RPRD2: variants seen among roughly 807,000 people sequenced by gnomAD.
RPRD2 encodes regulation of nuclear pre-mRNA domain-containing protein 2.
Under a neutral mutation model 104.4 loss-of-function variants are expected in RPRD2, and 12 were observed. The observed-to-expected ratio is 0.11, with a 90% CI of 0.07 to 0.19. The LOEUF (loss-of-function observed/expected upper bound fraction) is 0.19, where lower values mean the gene tolerates loss of function less well. Among genes scored for constraint, RPRD2 ranks in the 10% least tolerant of loss-of-function variants. The probability of loss-of-function intolerance (pLI) is 1.00; values close to 1 mark genes in which losing one functional copy is unlikely to be tolerated. For synonymous variants in RPRD2, 714 were observed against 684.9 expected, an observed-to-expected ratio of 1.04 and a Z score of -0.66; for missense variants, 1,543 against 1,790.1, an observed-to-expected ratio of 0.86 and a Z score of 2.49.
chr1:150,369,372 T>C (rs181964661), intron 1 of RPRD2, among the ~76,000 whole-genome samples: 1 of 148,356 alleles, frequency 6.7e-6, no homozygotes, highest in Non-Finnish European at 1.5e-5. Context: ...AACCTCCGCC[T>C]CCTGGGCTCA....
At position 150,443,206 on chromosome 1, in the gene RPRD2, A is replaced by G. The variant is rs782153110; in HGVS notation, c.515-25A>G. On this transcript the variant is annotated intron_variant, in intron 4 of 10. Transcript: ENST00000369068. ...TCAACTTTTTGTGTCTGTATTCTTAATGACCTTTTGTTTAATTCCAACAGC... is the reference window on the plus strand; with the variant it reads ...TCAACTTTTTGTGTCTGTATTCTTAGTGACCTTTTGTTTAATTCCAACAGC... 2.6e-5 allele frequency: 41 copies of G among 1,556,068 alleles called. No individual in the cohort carries two copies. In the East Asian group the frequency reaches 8.4e-4, roughly 32 times the overall value.
chr1:150,372,262 G>GCC, intron 1 of RPRD2, among the ~76,000 whole-genome samples: 1 of 152,084 alleles, frequency 6.6e-6, no homozygotes, highest in East Asian at 1.9e-4. Context: ...CACCTACTGT[G>GCC]CCAGGCATTG....
rs776560045 is a variant in RPRD2, at chr1:150,472,558, C to T, written c.3610C>T (p.Pro1204Ser). The stretch of plus-strand genomic sequence containing the variant: ...CCCATCCCCCTTGGAACATGGGACA[C>T]CCTTCCAGAGAGAGCCAGTGGGGCC... Reference protein sequence around the residue: ...LPPSPLEHGTPFQREPVGPSS... With the variant: ...LPPSPLEHGTSFQREPVGPSS... Residue 1204 changes from proline to serine, a missense_variant, in exon 11 of 11, where the codon CCC becomes TCC. Around this residue, in one of 4 missense-constraint regions of RPRD2, gnomAD observed 880 missense variants for 885.6 expected, o/e 0.99. Transcript: ENST00000369068. The T allele has an allele frequency of 2.5e-5, 40 of 1,613,840 alleles. No individual in the cohort carries two copies. In the South Asian group the frequency reaches 4.2e-4, roughly 17 times the overall value.
In RPRD2 at chr1:150,366,478, G is replaced by A. The variant is rs757012411; in HGVS notation, c.205+1559G>A. Among the ~76,000 whole-genome samples the A allele has an allele frequency of 1.7e-4, 26 of 152,270 alleles. No individual in the cohort carries two copies. The East Asian group carries it at 2.7e-3, about 16-fold the overall frequency. ...TCAAAGAGTTATTTTCTTGCCCAGAGGTAAAATTATAACGTGCAAAAACAT... is the reference window on the plus strand; with the variant it reads ...TCAAAGAGTTATTTTCTTGCCCAGAAGTAAAATTATAACGTGCAAAAACAT... On this transcript the variant is annotated intron_variant, in intron 1 of 10. Transcript: ENST00000369068.
intron 1 of RPRD2, among the ~76,000 whole-genome samples, chr1:150,417,049 A>G (rs978393361): frequency 3.9e-5 from 6 of 152,088 alleles, no homozygotes; most frequent in Non-Finnish European, 8.8e-5. Flanking sequence ...GTTGATGGGG[A>G]GAGGGTCTAT....
intron 7 of RPRD2, among the ~76,000 whole-genome samples, chr1:150,446,804 G>A (rs1666803509): frequency 6.7e-6 from 1 of 150,002 alleles, no homozygotes; most frequent in African/African-American, 2.4e-5. Flanking sequence ...AGGTAATACA[G>A]CTAGTAAGTG....
At chr1:150,444,711 A>G (rs1274909366) in intron 6 of RPRD2, among the ~76,000 whole-genome samples, 15 of 152,200 alleles carry the variant, frequency 9.9e-5, no homozygotes, top group African/African-American at 3.4e-4. Context: ...TAAATTGTAA[A>G]TCATACTAAT....
intron 2 of RPRD2, among the ~76,000 whole-genome samples, chr1:150,433,691 G>A (rs905002337): frequency 7.9e-4 from 100 of 127,326 alleles, no homozygotes; most frequent in Admixed American, 5.5e-3. Flanking sequence ...TGATCCGCCC[G>A]CCTCGGCCTC....
At chr1:150,402,940 C>T (rs1663166174) in intron 1 of RPRD2, among the ~76,000 whole-genome samples, 1 of 132,302 alleles carries the variant, frequency 7.6e-6, no homozygotes, top group South Asian at 2.4e-4. Context: ...TGCACTCCAG[C>T]CTGGGTAACA....
At chr1:150,450,395 A>G (rs971814401) in intron 7 of RPRD2, among the ~76,000 whole-genome samples, 1 of 151,748 alleles carries the variant, frequency 6.6e-6, no homozygotes, top group Admixed American at 6.6e-5. Flanking sequence ...TCACGAGGTC[A>G]GGAGATCAAG....
chr1:150,458,044 G>A (rs901575352), intron 8 of RPRD2, among the ~76,000 whole-genome samples: 1 of 152,038 alleles, frequency 6.6e-6, no homozygotes, highest in Admixed American at 6.6e-5. Flanking sequence ...ACTCCAGTCT[G>A]GGAGACAGAG....
At chr1:150,438,641 A>C (rs1201758110) in intron 2 of RPRD2, among the ~76,000 whole-genome samples, 1 of 151,746 alleles carries the variant, frequency 6.6e-6, no homozygotes, top group Admixed American at 6.6e-5. Flanking sequence ...AAAAAAAAAG[A>C]GTATGTTCTG....
At chr1:150,424,498 G>A (rs1316529846) in intron 2 of RPRD2, among the ~76,000 whole-genome samples, 1 of 152,036 alleles carries the variant, frequency 6.6e-6, no homozygotes, top group African/African-American at 2.4e-5. Flanking sequence ...ATGTTGGTCA[G>A]GCTGGTCTTG....
At chr1:150,458,484 C>A (rs587617487) in intron 8 of RPRD2, among the ~76,000 whole-genome samples, 20 of 151,558 alleles carry the variant, frequency 1.3e-4, no homozygotes, top group African/African-American at 4.8e-4. Context: ...CATTGGAGTC[C>A]AGAAACTAGG....
intron 1 of RPRD2, among the ~76,000 whole-genome samples, chr1:150,374,665 A>C (rs1388253215): frequency 6.6e-6 from 1 of 152,018 alleles, no homozygotes; most frequent in Non-Finnish European, 1.5e-5. Flanking sequence ...TGTGGGGAGA[A>C]CTCTCATACA....
chr1:150,384,255 C>T (rs1246048645), intron 1 of RPRD2, among the ~76,000 whole-genome samples: 1 of 151,788 alleles, frequency 6.6e-6, no homozygotes, highest in East Asian at 1.9e-4. Context: ...CAGGGAGTAC[C>T]AATTTATATT....
intron 10 of RPRD2, among the ~76,000 whole-genome samples, chr1:150,466,377 CAAAAAA>C (rs34200262): frequency 1.9e-5 from 2 of 105,014 alleles, no homozygotes; most frequent in Admixed American, 1.1e-4. Context: ...GACTCTGTCT[CAAAAAA>C]AAAAAAAAAA....
intron 1 of RPRD2, among the ~76,000 whole-genome samples, chr1:150,411,892 A>C (rs1663960730): frequency 6.6e-6 from 1 of 151,684 alleles, no homozygotes; most frequent in African/African-American, 2.4e-5. Context: ...TTGGGAGGCT[A>C]AGGTGGGTGG....
At chr1:150,379,631 A>C (rs1028405142) in intron 1 of RPRD2, among the ~76,000 whole-genome samples, 2 of 152,030 alleles carry the variant, frequency 1.3e-5, no homozygotes, top group South Asian at 2.1e-4. Context: ...CGAACTCCCA[A>C]CCTCAGGTGA....
Sources: gnomAD v4.1 joint callset for allele counts (sites outside exome capture counted in the v4.1 genomes callset) on GRCh38, gnomAD v4.1.1 for gene constraint, gnomAD v4.1.1 regional missense constraint, MANE v1.5 for transcripts, NCBI Gene and HGNC (gene_info 2026-07-23, HGNC 2026-07-21) for gene names.